Variants in FMN2 observed in about 807,000 individuals in gnomAD.
The protein encoded by FMN2 is formin-2.
In FMN2, 51 loss-of-function variants were observed where a neutral mutation model predicts 142.3. The observed-to-expected ratio is 0.36, with a 90% CI of 0.29 to 0.45. The LOEUF (loss-of-function observed/expected upper bound fraction) is 0.45. Ranked by LOEUF, FMN2 falls within the 20% of genes least tolerant of loss-of-function variation. The pLI is 1.00. For synonymous variants in FMN2, 882 were observed against 869.8 expected, an observed-to-expected ratio of 1.01 and a Z score of -0.25; for missense variants, 1,936 against 2,122.8, an observed-to-expected ratio of 0.91 and a Z score of 1.73.
At chr1:240,166,102 AT>A (rs1664470700) in intron 2 of FMN2, among the ~76,000 whole-genome samples, 1 of 150,640 alleles carries the variant, frequency 6.6e-6, no homozygotes, top group African/African-American at 2.4e-5. Flanking sequence ...CAAGATATAT[AT>A]AAACTCACAT....
At chr1:240,125,654 C>G (rs1460686234) in intron 2 of FMN2, among the ~76,000 whole-genome samples, 1 of 152,188 alleles carries the variant, frequency 6.6e-6, no homozygotes, top group Non-Finnish European at 1.5e-5. Flanking sequence ...CAGAAGTGAA[C>G]AGTCTTGCCA....
chr1:240,321,633 C>T lies in FMN2; in HGVS notation c.4216-7443C>T, dbSNP rs185138519. On this transcript the variant is annotated intron_variant, in intron 8 of 17. Coordinates refer to ENST00000319653, the MANE Select transcript of FMN2 (RefSeq NM_020066.5). Reference sequence around the variant, plus strand: ...GATTATCTACACTTATCTGAAAAAGCTATTAAAATATTCCTCACTTTCCCA... The same window carrying T: ...GATTATCTACACTTATCTGAAAAAGTTATTAAAATATTCCTCACTTTCCCA... 1.6e-3 allele frequency among the ~76,000 whole-genome samples: 248 copies of T among 152,278 alleles called. 1 individual carries two copies. The highest frequency in any genetic ancestry group is 5.4e-3 in the African/African-American group (225 of 41,560).
chr1:240,260,364 C>T (rs761342646), intron 7 of FMN2, among the ~76,000 whole-genome samples: 11 of 152,118 alleles, frequency 7.2e-5, no homozygotes, highest in Non-Finnish European at 1.6e-4. Context: ...TTTACATTCC[C>T]ACCAGCAGTG....
intron 6 of FMN2, among the ~76,000 whole-genome samples, chr1:240,223,506 G>A (rs1429693511): frequency 6.6e-6 from 1 of 152,204 alleles, no homozygotes; most frequent in East Asian, 1.9e-4. Context: ...CACAAAATGA[G>A]TTAGGGCAGA....
intron 2 of FMN2, chr1:240,142,641 T>G: frequency 4.4e-6 from 7 of 1,585,384 alleles, no homozygotes; most frequent in East Asian, 2.2e-5. Context: ...ATACATCAGC[T>G]GCAGTTCAGA....
chr1:240,218,059 C>T lies in FMN2; in HGVS notation c.4065+6824C>T, dbSNP rs184089513. Among the ~76,000 whole-genome samples the T allele has an allele frequency of 7.6e-3, 1,153 of 151,926 alleles. 21 individuals carry two copies. Among genetic ancestry groups the T allele is most frequent in the African/African-American group, 0.027 (1,102 of 41,448 alleles). ...CAGCACTTTGGGAGGCCTAGGTGGG[C>T]GGATCACAAGGTCAAGAGATCGAGA... On this transcript the variant is annotated intron_variant, in intron 6 of 17. Transcript: ENST00000319653.
chr1:240,142,474 C>CTT (rs1558316704), intron 2 of FMN2, among the ~76,000 whole-genome samples: 127 of 42,568 alleles, frequency 3.0e-3, no homozygotes, highest in Middle Eastern at 0.016. Context: ...AAAACCTTTT[C>CTT]ATATTTATTT....
At chr1:240,470,303 A>G (rs2103246857) in intron 16 of FMN2, among the ~76,000 whole-genome samples, 1 of 152,252 alleles carries the variant, frequency 6.6e-6, no homozygotes, top group South Asian at 2.1e-4. Flanking sequence ...GGATGCTGCA[A>G]TCCTTAGTTT....
At chr1:240,194,924 A>C (rs1049460335) in intron 4 of FMN2, among the ~76,000 whole-genome samples, 1 of 147,094 alleles carries the variant, frequency 6.8e-6, no homozygotes, top group Non-Finnish European at 1.5e-5. Context: ...TAAAATGGGT[A>C]TAATAAGAAT....
Position 240,092,751 on chromosome 1 carries a change from G to A in FMN2, c.642G>A (p.Gln214=). 1.9e-6 allele frequency: 3 copies of A among 1,612,018 alleles called. No homozygotes were observed. The highest frequency in any genetic ancestry group is 2.5e-6 in the Non-Finnish European group (3 of 1,179,386). The change falls in exon 1 of 18, where the codon CAG becomes CAA. Residue 214 remains glutamine (Q), a synonymous_variant. Transcript: ENST00000319653. The part of the protein sequence containing the change: ...RLQQQQQQQL[Q]LQLQQQQQQQ... ...AGCAGCAGCAGCAGCAGCAGCTCCA[G>A]CTCCAGCTCCAGCAACAGCAGCAGC...
chr1:240,455,490 C>T (rs1676209100), intron 16 of FMN2, among the ~76,000 whole-genome samples: 1 of 152,194 alleles, frequency 6.6e-6, no homozygotes. Flanking sequence ...AGTCCCAACG[C>T]AGTGACTAGC....
At chr1:240,370,229 C>A (rs1389757266) in intron 14 of FMN2, among the ~76,000 whole-genome samples, 1 of 152,108 alleles carries the variant, frequency 6.6e-6, no homozygotes, top group East Asian at 1.9e-4. Flanking sequence ...CTCAGCCATG[C>A]ATTCAATATT....
At chr1:240,176,634 C>T (rs1220108554) in intron 2 of FMN2, among the ~76,000 whole-genome samples, 1 of 152,178 alleles carries the variant, frequency 6.6e-6, no homozygotes, top group Non-Finnish European at 1.5e-5. Flanking sequence ...AATGATAGCT[C>T]ATTGTCTAAC....
chr1:240,100,787 G>C (rs1345060166), intron 1 of FMN2, among the ~76,000 whole-genome samples: 1 of 152,160 alleles, frequency 6.6e-6, no homozygotes, highest in Non-Finnish European at 1.5e-5. Flanking sequence ...TTTATTATCT[G>C]TTACCCTAGA....
intron 16 of FMN2, among the ~76,000 whole-genome samples, chr1:240,439,683 C>T (rs1675539881): frequency 6.6e-6 from 1 of 152,152 alleles, no homozygotes; most frequent in African/African-American, 2.4e-5. Flanking sequence ...CTTTCAGTTA[C>T]ATTATATGCA....
At chr1:240,123,117 T>A in intron 1 of FMN2, 62 bp from the exon 2 acceptor site, 1 of 1,589,182 alleles carries the variant, frequency 6.3e-7, no homozygotes, top group Non-Finnish European at 8.6e-7. Flanking sequence ...CGCTGTCCCC[T>A]GGCGAGTTCA....
intron 7 of FMN2, among the ~76,000 whole-genome samples, chr1:240,269,694 T>C (rs1027647627): frequency 7.9e-5 from 12 of 152,086 alleles, no homozygotes; most frequent in Non-Finnish European, 1.6e-4. Flanking sequence ...TATCTTTCCA[T>C]TTATTTATGT....
chr1:240,099,199 T>G (rs1019135364), intron 1 of FMN2, among the ~76,000 whole-genome samples: 1 of 152,058 alleles, frequency 6.6e-6, no homozygotes, highest in Non-Finnish European at 1.5e-5. Flanking sequence ...AAAAAAAAAG[T>G]CATTGTTCAA....
At chr1:240,097,579 T>C (rs1486911619) in intron 1 of FMN2, among the ~76,000 whole-genome samples, 5 of 152,056 alleles carry the variant, frequency 3.3e-5, no homozygotes. Context: ...ATGGTCTTGA[T>C]CTCCTGACCT....
Sources: allele counts gnomAD v4.1 joint callset (sites outside exome capture counted in the v4.1 genomes callset), GRCh38; gene constraint gnomAD v4.1.1; transcripts MANE v1.5; gene names NCBI Gene and HGNC (gene_info 2026-07-23, HGNC 2026-07-21).